Variants in NKAIN3 observed in about 807,000 individuals in gnomAD.
NKAIN3 encodes sodium/potassium-transporting ATPase subunit beta-1-interacting protein 3.
NKAIN3 carries 25 observed loss-of-function variants against 30.2 expected under a neutral mutation model. The observed-to-expected ratio is 0.83, with a 90% confidence interval of 0.60 to 1.16. The LOEUF (loss-of-function observed/expected upper bound fraction) is 1.16. NKAIN3 is among the 50% of genes most tolerant of loss of function. The probability of loss-of-function intolerance (pLI) is 0.00; values close to 1 mark genes in which losing one functional copy is unlikely to be tolerated. For missense variants in NKAIN3, 225 were observed against 254.1 expected, an observed-to-expected ratio of 0.89 and a Z score of 0.78; for synonymous variants, 91 against 89.6, an observed-to-expected ratio of 1.02 and a Z score of -0.09.
intron 4 of NKAIN3, among the ~76,000 whole-genome samples, chr8:62,877,144 A>G (rs1454107249): frequency 6.6e-6 from 1 of 152,178 alleles, no homozygotes; most frequent in African/African-American, 2.4e-5. Context: ...AGTGTTGCAC[A>G]TGGCCAGGGT....
chr8:62,622,517 C>T (rs556023200), intron 3 of NKAIN3, among the ~76,000 whole-genome samples: 60 of 151,974 alleles, frequency 3.9e-4, no homozygotes, highest in African/African-American at 7.5e-4. Flanking sequence ...GGCTTTAATT[C>T]GCATTTCCTT....
intron 4 of NKAIN3, among the ~76,000 whole-genome samples, chr8:62,765,434 A>G (rs1211102531): frequency 6.6e-6 from 1 of 152,086 alleles, no homozygotes; most frequent in African/African-American, 2.4e-5. Context: ...TAACTTTCAG[A>G]TTGATGGAAA....
intron 1 of NKAIN3, among the ~76,000 whole-genome samples, chr8:62,281,031 A>C (rs1813162589): frequency 6.6e-6 from 1 of 152,118 alleles, no homozygotes. Flanking sequence ...GTAGTCTATT[A>C]ATTGTTGCCT....
intron 1 of NKAIN3, among the ~76,000 whole-genome samples, chr8:62,406,539 G>A (rs1446035881): frequency 1.3e-5 from 2 of 152,092 alleles, no homozygotes; most frequent in African/African-American, 4.8e-5. Context: ...TTTGGAAGCT[G>A]TTGCTTTCTG....
chr8:62,358,577 A>G (rs1038724639), intron 1 of NKAIN3, among the ~76,000 whole-genome samples: 1 of 152,194 alleles, frequency 6.6e-6, no homozygotes, highest in Non-Finnish European at 1.5e-5. Context: ...AGAGATGGGC[A>G]CTGCTGAAGC....
intron 1 of NKAIN3, among the ~76,000 whole-genome samples, chr8:62,476,482 G>A (rs565946796): frequency 5.3e-5 from 8 of 151,896 alleles, no homozygotes; most frequent in African/African-American, 1.9e-4. Context: ...TTTGAGAATG[G>A]AGTCTCGCTC....
intron 1 of NKAIN3, among the ~76,000 whole-genome samples, chr8:62,560,225 C>T (rs573281140): frequency 9.4e-4 from 143 of 152,150 alleles, no homozygotes; most frequent in African/African-American, 2.9e-3. Context: ...AGTTTAATTA[C>T]GATATAGCTT....
chr8:62,819,463 T>C (rs1818787692), intron 4 of NKAIN3, among the ~76,000 whole-genome samples: 1 of 152,070 alleles, frequency 6.6e-6, no homozygotes, highest in Non-Finnish European at 1.5e-5. Flanking sequence ...ATCATCAACA[T>C]TTTACGTAGC....
intron 4 of NKAIN3, among the ~76,000 whole-genome samples, chr8:62,782,474 T>C (rs1817380332): frequency 6.6e-6 from 1 of 151,998 alleles, no homozygotes; most frequent in Admixed American, 6.6e-5. Context: ...TGCACTCACA[T>C]GTCTATCTCA....
chr8:62,935,065 A>C (rs1822742523), intron 5 of NKAIN3, among the ~76,000 whole-genome samples: 1 of 152,140 alleles, frequency 6.6e-6, no homozygotes, highest in South Asian at 2.1e-4. Context: ...TCCAGAATAA[A>C]AACAAGTCAT....
intron 4 of NKAIN3, among the ~76,000 whole-genome samples, chr8:62,878,204 G>A (rs1476925458): frequency 3.3e-5 from 5 of 152,186 alleles, no homozygotes; most frequent in East Asian, 1.9e-4. Flanking sequence ...TAGATTAGAT[G>A]TTTGAAGAGA....
chr8:62,370,444 A>G (rs1417220684), intron 1 of NKAIN3, among the ~76,000 whole-genome samples: 2 of 152,020 alleles, frequency 1.3e-5, no homozygotes, highest in Non-Finnish European at 2.9e-5. Context: ...AAAGACAAAA[A>G]GCATTAAAAA....
chr8:62,684,431 C>G (rs1813734606), intron 3 of NKAIN3, among the ~76,000 whole-genome samples: 1 of 152,212 alleles, frequency 6.6e-6, no homozygotes, highest in Admixed American at 6.5e-5. Flanking sequence ...AGCGGTATCT[C>G]TTCCCTTTCC....
intron 3 of NKAIN3, among the ~76,000 whole-genome samples, chr8:62,596,181 G>A (rs1366785744): frequency 3.3e-5 from 5 of 151,782 alleles, no homozygotes; most frequent in East Asian, 1.9e-4. Context: ...TTTCTTCTTC[G>A]GTGGCTAGCC....
At chr8:62,863,174 C>A (rs1820307179) in intron 4 of NKAIN3, 1 of 1,531,074 alleles carries the variant, frequency 6.5e-7, no homozygotes, top group Non-Finnish European at 9.0e-7. Context: ...GCTTCTTGCT[C>A]CAATTCTTCT....
chr8:62,662,475 C>T (rs970929590), intron 3 of NKAIN3, among the ~76,000 whole-genome samples: 3 of 152,188 alleles, frequency 2.0e-5, no homozygotes, highest in African/African-American at 7.2e-5. Flanking sequence ...CTTTCTCTTC[C>T]CCTTTGTTTA....
At chr8:62,947,542 C>T (rs947711815) in intron 5 of NKAIN3, among the ~76,000 whole-genome samples, 1 of 152,212 alleles carries the variant, frequency 6.6e-6, no homozygotes, top group East Asian at 1.9e-4. Flanking sequence ...TGTCTAACTT[C>T]CCCATCAAGA....
intron 3 of NKAIN3, among the ~76,000 whole-genome samples, chr8:62,590,626 G>A (rs1221702875): frequency 6.6e-6 from 1 of 151,830 alleles, no homozygotes; most frequent in Non-Finnish European, 1.5e-5. Flanking sequence ...CTTTATAACA[G>A]TCTCAGATTT....
chr8:62,821,602 T>A (rs73684088), intron 4 of NKAIN3, among the ~76,000 whole-genome samples: 4,980 of 152,158 alleles, frequency 0.033, 267 homozygotes, highest in African/African-American at 0.11. Context: ...TTTAAAAGTG[T>A]TCATCAATTT....
Sources: allele counts gnomAD v4.1 joint callset (sites outside exome capture counted in the v4.1 genomes callset), GRCh38; gene constraint gnomAD v4.1.1; transcripts MANE v1.5; gene names NCBI Gene and HGNC (gene_info 2026-07-23, HGNC 2026-07-21).